Variants in MRPS26 observed in about 807,000 individuals in gnomAD.
MRPS26 encodes small ribosomal subunit protein mS26.
MRPS26 carries 26 observed loss-of-function variants against 22.7 expected under a neutral mutation model. The ratio of observed to expected loss-of-function variants is 1.15; its 90% CI spans 0.84 to 1.59. The LOEUF is 1.59. MRPS26 is among the 40% of genes most tolerant of loss of function. The pLI is 0.00. For synonymous variants in MRPS26, 120 were observed against 124.0 expected (o/e 0.97, Z 0.22); for missense variants, 291 against 287.7 (o/e 1.01, Z -0.08).
chr20:3,046,667 AGCAGGCCCGCAAGGCCGAAGAGGT>A lies in MRPS26; in HGVS notation c.421_444del (p.Arg141_Ala148del). On this transcript the variant is annotated inframe_deletion, in exon 3 of 4. Transcript: ENST00000380325. ...GAGCAGGAGCAGCGGCAGGCGTTGG[AGCAGGCCCGCAAGGCCGAAGAGGT>A]GCAGGCCTGGGCGCAGCGCAAGGAG... 1 of 1,543,820 alleles carries A rather than the reference AGCAGGCCCGCAAGGCCGAAGAGGT, an allele frequency of 6.5e-7. No homozygotes were observed. Among genetic ancestry groups the A allele is most frequent in the Non-Finnish European group, 8.7e-7 (1 of 1,143,746 alleles).
chr20:3,047,729 C>T lies in MRPS26; in HGVS notation c.484-6C>T, dbSNP rs751516387. ...CCTGTTCAGCTGGGCTTTTCTCTCC[C>T]GATAGGAAGAGGTGAAAAACTTCAT... On this transcript the variant is annotated splice_polypyrimidine_tract_variant and splice_region_variant and intron_variant, in intron 3 of 3. Transcript: ENST00000380325. 1.9e-6 allele frequency: 3 copies of T among 1,613,042 alleles called. No individual in the cohort carries two copies. Among genetic ancestry groups the T allele is most frequent in the South Asian group, 1.1e-5 (1 of 90,974 alleles).
chr20:3,046,587 T>G, intron 2 of MRPS26, 27 bp from the exon 3 acceptor site: 2 of 1,532,224 alleles, frequency 1.3e-6, no homozygotes, highest in Non-Finnish European at 1.8e-6. Flanking sequence ...CGGGCCCCGC[T>G]CAGCCTCGGC....
rs1411712494 is a variant in MRPS26 at position 3,046,271 on chromosome 20, G to A, written c.203G>A (p.Arg68His). 2.5e-6 allele frequency: 4 copies of A among 1,606,414 alleles called. No homozygotes were observed. The highest frequency in any genetic ancestry group is 1.7e-5 in the Admixed American group (1 of 59,898). The change falls in exon 1 of 4, where the codon CGC (arginine) becomes CAC (histidine). Residue 68 changes from arginine to histidine, a missense_variant. Coordinates refer to ENST00000380325, the MANE Select transcript of MRPS26 (RefSeq NM_030811.4). ...ERYQHYRQTV[R>H]ALRMEFVSEV... ...TACCAGCACTACCGCCAGACCGTGC[G>A]CGCCCTCAGGTGTGCGGCCGGGGGG...
In MRPS26 at chr20:3,046,607, C is replaced by G. The variant is rs959700511; in HGVS notation, c.360-7C>G. ...CCCGCTCAGCCTCGGCCCTTTGACC[C>G]TCACAGGATAGCGAGGCTGCGGCAG... On this transcript the variant is annotated splice_region_variant and splice_polypyrimidine_tract_variant and intron_variant, in intron 2 of 3. Transcript: ENST00000380325. The G allele has an allele frequency of 1.3e-6, 2 of 1,539,108 alleles. No homozygotes were observed. The highest frequency in any genetic ancestry group is 1.8e-6 in the Non-Finnish European group (2 of 1,140,188).
Position 3,047,812 on chromosome 20 carries a change from C to A in MRPS26, c.561C>A (p.Tyr187Ter). 6.2e-7 allele frequency: 1 copy of A among 1,613,756 alleles called. No homozygotes were observed. Among genetic ancestry groups the A allele is most frequent in the Non-Finnish European group, 8.5e-7 (1 of 1,179,852 alleles). Residue 187 changes from tyrosine (Y) to a stop codon, truncating the protein, a stop_gained, in exon 4 of 4, where the codon TAC becomes TAA. Coordinates refer to ENST00000380325, the MANE Select transcript of MRPS26 (RefSeq NM_030811.4). LOFTEE classifies it high-confidence loss of function. ...VEAALDSRKN[Y>*]NWAITREGLV... is the part of the protein sequence containing the mutation. ...CAGCATTGGACTCCCGGAAGAACTACAACTGGGCCATCACCAGAGAGGGGC... is the reference window on the plus strand; with the variant it reads ...CAGCATTGGACTCCCGGAAGAACTAAAACTGGGCCATCACCAGAGAGGGGC...
At chr20:3,047,026 T>C (rs1489970442) in intron 3 of MRPS26, among the ~76,000 whole-genome samples, 1 of 152,186 alleles carries the variant, frequency 6.6e-6, no homozygotes, top group Non-Finnish European at 1.5e-5. Flanking sequence ...TATTTCAGGC[T>C]AGGATTAGCA....
intron 3 of MRPS26, 106 bp from the exon 4 acceptor site, chr20:3,047,629 G>T: frequency 6.7e-7 from 1 of 1,498,510 alleles, no homozygotes; most frequent in East Asian, 2.3e-5. Flanking sequence ...CTTCCCCAGG[G>T]AGAGCAGGAG....
intron 3 of MRPS26, 27 bp downstream of exon 3, chr20:3,046,764 C>G (rs1279214102): frequency 2.6e-6 from 4 of 1,521,922 alleles, no homozygotes; most frequent in Non-Finnish European, 3.5e-6. Flanking sequence ...GAGGGTGGGA[C>G]TCCAGCCGGG....
In MRPS26 at chr20:3,046,075, C is replaced by A; in HGVS notation, c.7C>A (p.Arg3Ser). The change falls in exon 1 of 4, where the codon CGC becomes AGC. Residue 3 changes from arginine (R) to serine (S), a missense_variant. Arg to Ser is a moderately radical substitution (Grantham distance 110, BLOSUM62 -1). Coordinates refer to ENST00000380325, the MANE Select transcript of MRPS26 (RefSeq NM_030811.4). Reference sequence around the variant, plus strand: ...GCAGTGAGGAGACTCGGCCATGCTACGCGCGCTGAGCCGCCTGGGCGCGGG... The same window carrying A: ...GCAGTGAGGAGACTCGGCCATGCTAAGCGCGCTGAGCCGCCTGGGCGCGGG... ML[R>S]ALSRLGAGTP... 1 of 1,512,752 alleles carries A rather than the reference C, an allele frequency of 6.6e-7. No individual in the cohort carries two copies. The highest frequency in any genetic ancestry group is 8.8e-7 in the Non-Finnish European group (1 of 1,139,022). 93.7% of individuals were successfully genotyped at this position (1,512,752 alleles called of 1,614,324 possible). A position where few individuals can be genotyped will look rare whatever the true frequency, so the allele number is the denominator to read the frequency against.
In MRPS26 at chr20:3,046,248, C is replaced by T; in HGVS notation, c.180C>T (p.Tyr60=). 1 of 1,606,864 alleles carries T rather than the reference C, an allele frequency of 6.2e-7. No homozygotes were observed. Among genetic ancestry groups the T allele is most frequent in the Non-Finnish European group, 8.5e-7 (1 of 1,179,616 alleles). ...PAEFFVLMER[Y]QHYRQTVRAL... ...AGTTCTTCGTGCTGATGGAGCGTTA[C>T]CAGCACTACCGCCAGACCGTGCGCG... is the stretch of plus-strand genomic sequence containing the variant. The change falls in exon 1 of 4, where the codon TAC becomes TAT. Residue 60 remains tyrosine (Y), a synonymous_variant. Transcript: ENST00000380325.
At position 3,047,860 on chromosome 20, in the gene MRPS26, G is replaced by A; in HGVS notation, c.609G>A (p.Arg203=). The change falls in exon 4 of 4, where the codon AGG becomes AGA. Residue 203 remains arginine (R), a synonymous_variant. Coordinates refer to ENST00000380325, the MANE Select transcript of MRPS26 (RefSeq NM_030811.4). ...REGLVVRPQR[R]DS ...GGCTGGTGGTCAGGCCACAACGCAG[G>A]GACTCCTAGGGGCCCAGTAAGGACA... The A allele has an allele frequency of 1.2e-6, 2 of 1,606,950 alleles. No homozygotes were observed. Among genetic ancestry groups the A allele is most frequent in the South Asian group, 2.2e-5 (2 of 90,282 alleles).
In MRPS26 at chr20:3,046,747, G is replaced by A. The variant is rs1007900628; in HGVS notation, c.483+10G>A. The A allele has an allele frequency of 8.5e-6, 13 of 1,535,866 alleles. No homozygotes were observed. Among genetic ancestry groups the A allele is most frequent in the Middle Eastern group, 3.4e-4 (2 of 5,912 alleles). ...AGTGCTGCAGCTGCAGGTGGGCAAC[G>A]TCTCCGGAGGGTGGGACTCCAGCCG... On this transcript the variant is annotated intron_variant, in intron 3 of 3. Coordinates refer to ENST00000380325, the MANE Select transcript of MRPS26 (RefSeq NM_030811.4).
chr20:3,046,808 A>T, intron 3 of MRPS26, 71 bp downstream of exon 3: 37 of 1,513,300 alleles, frequency 2.4e-5, no homozygotes, highest in Non-Finnish European at 3.3e-5. Context: ...AATTCTGGGC[A>T]CCGCGACGCG....
rs768238151 is a variant in MRPS26, at chr20:3,046,080, G to C, written c.12G>C (p.Ala4=). 30 of 1,520,476 alleles carry C rather than the reference G, an allele frequency of 2.0e-5. No homozygotes were observed. The African/African-American group carries it at 2.7e-4, about 14-fold the overall frequency. 94.2% of individuals were successfully genotyped at this position (1,520,476 alleles called of 1,614,324 possible). MLR[A]LSRLGAGTPC... is the part of the protein sequence containing the mutation. ...GAGGAGACTCGGCCATGCTACGCGCGCTGAGCCGCCTGGGCGCGGGGACCC... is the reference window on the plus strand; with the variant it reads ...GAGGAGACTCGGCCATGCTACGCGCCCTGAGCCGCCTGGGCGCGGGGACCC... The change falls in exon 1 of 4, where the codon GCG becomes GCC. Residue 4 remains alanine, a synonymous_variant. Transcript: ENST00000380325.
rs773888573 is a variant in MRPS26 at position 3,047,691 on chromosome 20, T to C, written c.484-44T>C. On this transcript the variant is annotated intron_variant, in intron 3 of 3. Transcript: ENST00000380325. ...AGCAGGCTGGGTGGGCTGGCTGGCA[T>C]GTGCCCAAGGCTCCTGTTCAGCTGG... is the stretch of plus-strand genomic sequence containing the variant. 42 of 1,608,118 alleles carry C rather than the reference T, an allele frequency of 2.6e-5. No homozygotes were observed. The East Asian group carries it at 4.7e-4, about 18-fold the overall frequency.
At position 3,046,102 on chromosome 20, in the gene MRPS26, A is replaced by T. The variant is rs1208863731; in HGVS notation, c.34A>T (p.Thr12Ser). The T allele has an allele frequency of 6.4e-7, 1 of 1,551,672 alleles. No individual in the cohort carries two copies. Among genetic ancestry groups the T allele is most frequent in the African/African-American group, 1.4e-5 (1 of 72,168 alleles). The change falls in exon 1 of 4, where the codon ACC becomes TCC. Residue 12 changes from threonine (T) to serine (S), a missense_variant. Transcript: ENST00000380325. ...CGCGCTGAGCCGCCTGGGCGCGGGG[A>T]CCCCGTGCAGGCCCCGGGCCCCTCT... ...LRALSRLGAG[T>S]PCRPRAPLVL...
At chr20:3,047,058 G>C (rs1221008098) in intron 3 of MRPS26, among the ~76,000 whole-genome samples, 4 of 152,208 alleles carry the variant, frequency 2.6e-5, no homozygotes, top group Non-Finnish European at 5.9e-5. Flanking sequence ...TAAAAGCAGG[G>C]AGACCACTTA....
rs1210142620 is a variant in MRPS26 at position 3,047,817 on chromosome 20, G to A, written c.566G>A (p.Trp189Ter). The A allele has an allele frequency of 6.2e-7, 1 of 1,613,594 alleles. No homozygotes were observed. Among genetic ancestry groups the A allele is most frequent in the Admixed American group, 1.7e-5 (1 of 59,916 alleles). ...AALDSRKNYNWAITREGLVVR... is the reference protein window; with the variant it reads ...AALDSRKNYN ...TTGGACTCCCGGAAGAACTACAACTGGGCCATCACCAGAGAGGGGCTGGTG... is the reference window on the plus strand; with the variant it reads ...TTGGACTCCCGGAAGAACTACAACTAGGCCATCACCAGAGAGGGGCTGGTG... Residue 189 changes from tryptophan (W) to a stop codon, truncating the protein, a stop_gained, in exon 4 of 4, where the codon TGG (tryptophan) becomes TAG (stop). Transcript: ENST00000380325. LOFTEE classifies it high-confidence loss of function.
intron 1 of MRPS26, 29 bp from the exon 2 acceptor site, chr20:3,046,344 G>A (rs2065988058): frequency 1.2e-6 from 2 of 1,607,348 alleles, no homozygotes; most frequent in South Asian, 1.1e-5. Context: ...GGCGGAGAGG[G>A]TGCTGATTCC....
Sources: gnomAD v4.1 joint callset for allele counts (sites outside exome capture counted in the v4.1 genomes callset) on GRCh38, gnomAD v4.1.1 for gene constraint, MANE v1.5 for transcripts, NCBI Gene and HGNC (gene_info 2026-07-23, HGNC 2026-07-21) for gene names.